PDK1: variants seen among roughly 807,000 people sequenced by gnomAD.
PDK1 encodes [Pyruvate dehydrogenase (acetyl-transferring)] kinase isozyme 1, mitochondrial.
Under a neutral mutation model 54.2 loss-of-function variants are expected in PDK1, and 39 were observed. The observed-to-expected ratio is 0.72, with a 90% CI of 0.56 to 0.94. PDK1 has a LOEUF of 0.94. Ranked by LOEUF, PDK1 falls within the 40% of genes least tolerant of loss-of-function variation. PDK1 has a pLI of 0.00. For synonymous variants in PDK1, 221 were observed against 207.1 expected (o/e 1.07, Z -0.58); for missense variants, 552 against 566.0 (o/e 0.98, Z 0.25).
chr2:172,568,505 C>T (rs546068429), intron 6 of PDK1, among the ~76,000 whole-genome samples: 2 of 152,052 alleles, frequency 1.3e-5, no homozygotes, highest in South Asian at 2.1e-4. Context: ...TGGGTTGGTT[C>T]GATTGTGATG....
At chr2:172,686,222 A>G in the PDK1 span, among the ~76,000 whole-genome samples, 1,078 of 152,348 alleles carry the variant, frequency 7.1e-3, 18 homozygotes, top group African/African-American at 0.025. Flanking sequence ...TGTGGCAGCC[A>G]TAGAGATACA....
At chr2:172,594,976 A>T (rs927428248) in intron 10 of PDK1, among the ~76,000 whole-genome samples, 1 of 152,214 alleles carries the variant, frequency 6.6e-6, no homozygotes, top group Non-Finnish European at 1.5e-5. Flanking sequence ...GAGAAGACAC[A>T]GATTCAAACC....
At chr2:172,646,138 A>G in the PDK1 span, among the ~76,000 whole-genome samples, 4 of 152,254 alleles carry the variant, frequency 2.6e-5, no homozygotes, top group Admixed American at 6.5e-5. Flanking sequence ...GTGGATAGAT[A>G]ATAATATGCA....
At chr2:172,683,853 A>G in the PDK1 span, among the ~76,000 whole-genome samples, 1 of 152,340 alleles carries the variant, frequency 6.6e-6, no homozygotes, top group African/African-American at 2.4e-5. Flanking sequence ...GCTGGGAAAC[A>G]CTGACCTGTT....
chr2:172,564,766 AT>A, intron 4 of PDK1, 79 bp downstream of exon 4: 1 of 1,271,370 alleles, frequency 7.9e-7, no homozygotes, highest in Non-Finnish European at 1.1e-6. Flanking sequence ...GGAAAGTTCC[AT>A]TTAGGTAGGA....
chr2:172,670,942 T>C, the PDK1 span, among the ~76,000 whole-genome samples: 11 of 152,106 alleles, frequency 7.2e-5, no homozygotes, highest in Admixed American at 6.5e-4. Flanking sequence ...TTATACTTCT[T>C]ACATTGCCTC....
the PDK1 span, among the ~76,000 whole-genome samples, chr2:172,616,417 T>C: frequency 1.3e-5 from 2 of 152,170 alleles, no homozygotes; most frequent in African/African-American, 4.8e-5. Context: ...GGAACACAAT[T>C]TTGAGTGGAA....
the PDK1 span, among the ~76,000 whole-genome samples, chr2:172,654,240 A>G: frequency 1.3e-5 from 2 of 152,182 alleles, no homozygotes; most frequent in African/African-American, 4.8e-5. Context: ...AACTAGAAAT[A>G]CCATTTGACC....
the PDK1 span, among the ~76,000 whole-genome samples, chr2:172,684,524 T>C: frequency 2.0e-5 from 3 of 152,248 alleles, no homozygotes; most frequent in Admixed American, 2.0e-4. Context: ...TTGTAGGTAT[T>C]TACAAGACCA....
At chr2:172,704,231 G>A in the PDK1 span, among the ~76,000 whole-genome samples, 25 of 152,218 alleles carry the variant, frequency 1.6e-4, no homozygotes, top group African/African-American at 5.5e-4. Flanking sequence ...CTCCTGGCAC[G>A]ACAGCGATGG....
At chr2:172,699,595 A>G in the PDK1 span, among the ~76,000 whole-genome samples, 1 of 151,662 alleles carries the variant, frequency 6.6e-6, no homozygotes, top group Non-Finnish European at 1.5e-5. Flanking sequence ...ACCGATTTTC[A>G]GACTAGACTT....
At chr2:172,675,787 G>GA in the PDK1 span, among the ~76,000 whole-genome samples, 2 of 152,180 alleles carry the variant, frequency 1.3e-5, no homozygotes, top group Non-Finnish European at 2.9e-5. Flanking sequence ...TTTCAATTTA[G>GA]AAAAAACAGC....
intron 7 of PDK1, among the ~76,000 whole-genome samples, chr2:172,569,325 T>C (rs960281778): frequency 2.6e-5 from 4 of 152,244 alleles, no homozygotes; most frequent in African/African-American, 9.6e-5. Flanking sequence ...GGAGGTCATT[T>C]ATATTGACTT....
At chr2:172,677,078 A>G in the PDK1 span, 4 of 152,272 alleles carry the variant, frequency 2.6e-5, no homozygotes, top group African/African-American at 7.2e-5. Flanking sequence ...CATACTTAAC[A>G]GACTACAGTA....
chr2:172,694,741 G>GT, the PDK1 span, among the ~76,000 whole-genome samples: 1 of 152,156 alleles, frequency 6.6e-6, no homozygotes, highest in Non-Finnish European at 1.5e-5. Flanking sequence ...TATCTTACTT[G>GT]TTTTTATTAA....
At chr2:172,555,959 C>T, upstream of PDK1, 1 of 407,236 alleles carries the variant, frequency 2.5e-6, no homozygotes, top group Non-Finnish European at 4.3e-6. Context: ...CGCCCCTTTT[C>T]TCTCCCCGCC....
At chr2:172,653,943 C>G in the PDK1 span, among the ~76,000 whole-genome samples, 1 of 152,080 alleles carries the variant, frequency 6.6e-6, no homozygotes, top group African/African-American at 2.4e-5. Context: ...ACAAACAACC[C>G]CATCAAAAAG....
chr2:172,638,334 T>G, the PDK1 span, among the ~76,000 whole-genome samples: 1 of 152,234 alleles, frequency 6.6e-6, no homozygotes, highest in African/African-American at 2.4e-5. Flanking sequence ...AATGAACCTT[T>G]AACTGCCATT....
At position 172,593,198 on chromosome 2, in the gene PDK1, G is replaced by T; in HGVS notation, c.1170+150G>T. 4.3e-6 allele frequency: 2 copies of T among 467,650 alleles called. 1 individual carries two copies. Among genetic ancestry groups the T allele is most frequent in the Non-Finnish European group, 7.8e-6 (2 of 257,274 alleles). The allele number at this position is 467,650 out of a possible 1,614,324, so 29.0% of individuals were successfully genotyped here. A position where few individuals can be genotyped will look rare whatever the true frequency, so the allele number is the denominator to read the frequency against. ...GCTGGGGATCTCACCCATTTTGATAGATGATCCCCTAAAACTATGGGGAAA... is the reference window on the plus strand; with the variant it reads ...GCTGGGGATCTCACCCATTTTGATATATGATCCCCTAAAACTATGGGGAAA... On this transcript the variant is annotated intron_variant, in intron 10 of 10. Transcript: ENST00000282077.
Sources: gnomAD v4.1 joint callset for allele counts (sites outside exome capture counted in the v4.1 genomes callset) on GRCh38, gnomAD v4.1.1 for gene constraint, MANE v1.5 for transcripts, NCBI Gene and HGNC (gene_info 2026-07-23, HGNC 2026-07-21) for gene names.